PRKAG1: variants seen among roughly 807,000 people sequenced by gnomAD.
The protein encoded by PRKAG1 is protein kinase AMP-activated non-catalytic subunit gamma 1, also known as 5'-AMP-activated protein kinase subunit gamma-1.
Under a neutral mutation model 48.2 loss-of-function variants are expected in PRKAG1, and 27 were observed. The ratio of observed to expected loss-of-function variants is 0.56; its 90% CI spans 0.41 to 0.77. PRKAG1 has a LOEUF of 0.77. PRKAG1 is among the 30% of genes least tolerant of loss of function. The pLI is 0.00. For missense variants in PRKAG1, 287 were observed against 398.3 expected (o/e 0.72, Z 2.38); for synonymous variants, 130 against 147.7 (o/e 0.88, Z 0.87).
intron 2 of PRKAG1, among the ~76,000 whole-genome samples, chr12:49,006,864 G>A (rs893649248): frequency 6.6e-5 from 10 of 152,116 alleles, no homozygotes; most frequent in African/African-American, 2.2e-4. Flanking sequence ...AGCTACTCGG[G>A]AGGCTGAGGC....
chr12:49,018,409 T>G, intron 1 of PRKAG1: 2 of 1,229,780 alleles, frequency 1.6e-6, no homozygotes, highest in Non-Finnish European at 2.1e-6. Flanking sequence ...CTCTCAAACC[T>G]CTAAAAGGGC....
Position 49,003,480 on chromosome 12 carries a change from T to C in PRKAG1, c.741+78A>G, listed in dbSNP as rs1941379661. 2.6e-6 allele frequency: 4 copies of C among 1,565,214 alleles called. No individual in the cohort carries two copies. In the East Asian group the frequency reaches 6.7e-5, roughly 26 times the overall value. ...AAGACCCTTAGATCACAGAAGAGAC[T>C]CCCTTCTCCCTCTCCATATTTAACA... On this transcript the variant is annotated intron_variant, in intron 10 of 11. Transcript: ENST00000548065.
Position 49,002,995 on chromosome 12 carries a change from A to G in PRKAG1, c.900T>C (p.Leu300=). 3 of 1,614,128 alleles carry G rather than the reference A, an allele frequency of 1.9e-6. No individual in the cohort carries two copies. The highest frequency in any genetic ancestry group is 2.5e-6 in the Non-Finnish European group (3 of 1,179,998). Residue 300 remains leucine, a synonymous_variant, in exon 12 of 12, where the codon CTT becomes CTC. Transcript: ENST00000548065. ...CCACATCATTTTCATCCACCACTAC[A>G]AGTCGGTGAACCTGGCACAGAGCAA... ...NRLVEAEVHR[L]VVVDENDVVK...
At chr12:49,003,508 GCCCC>G in intron 10 of PRKAG1, 46 bp downstream of exon 10, 2 of 1,371,304 alleles carry the variant, frequency 1.5e-6, no homozygotes, top group Non-Finnish European at 2.0e-6. Context: ...ATTTAACAGT[GCCCC>G]CCCCCCACCA....
At chr12:49,014,417 C>A (rs1421973265) in intron 1 of PRKAG1, among the ~76,000 whole-genome samples, 3 of 152,212 alleles carry the variant, frequency 2.0e-5, no homozygotes, top group Admixed American at 6.5e-5. Flanking sequence ...TTAGGGCTAA[C>A]CCCTACAAGA....
Position 49,005,510 on chromosome 12 carries a change from CGTTA to C in PRKAG1, c.198_201del (p.Asn67ValfsTer19), listed in dbSNP as rs770627547. On this transcript the variant is annotated frameshift_variant, in exon 4 of 12. Coordinates refer to ENST00000548065, the MANE Select transcript of PRKAG1 (RefSeq NM_002733.5). LOFTEE classifies it high-confidence loss of function. This position sits in a 1 kb window ranked among gnomAD's most constrained non-coding sequence, Gnocchi z 4.1. ...TCCCATAAAGGGGCAGCTCGTACAC[CGTTA>C]GTCACCAAAGCAAAAAAAGCTTTCT... 1 of 1,614,116 alleles carries C rather than the reference CGTTA, an allele frequency of 6.2e-7. No homozygotes were observed. The highest frequency in any genetic ancestry group is 2.2e-5 in the East Asian group (1 of 44,884).
intron 11 of PRKAG1, 63 bp downstream of exon 11, chr12:49,003,081 C>G (rs935636602): frequency 1.2e-6 from 2 of 1,613,268 alleles, no homozygotes; most frequent in Non-Finnish European, 1.7e-6. Flanking sequence ...CCCTACTCTC[C>G]TTGCCAAACC....
chr12:49,010,290 G>T (rs1483932663), intron 2 of PRKAG1, among the ~76,000 whole-genome samples: 2 of 152,182 alleles, frequency 1.3e-5, no homozygotes, highest in Admixed American at 6.5e-5. Flanking sequence ...GTGTGTAAGT[G>T]AGCCTTGCTG....
At chr12:49,011,252 T>A (rs181104593) in intron 2 of PRKAG1, among the ~76,000 whole-genome samples, 185 of 152,320 alleles carry the variant, frequency 1.2e-3, no homozygotes, top group Non-Finnish European at 2.0e-3. Context: ...ATACATACAC[T>A]ACATTGATAG....
chr12:49,013,847 G>A (rs1420981949), intron 1 of PRKAG1, among the ~76,000 whole-genome samples: 1 of 152,134 alleles, frequency 6.6e-6, no homozygotes, highest in East Asian at 1.9e-4. Context: ...GAAGAGTTTG[G>A]TTGGGTTTAT....
chr12:49,008,466 TCATCCTGGGATCTTTCTTCATCAC>T (rs1864013908), intron 2 of PRKAG1: 1 of 152,230 alleles, frequency 6.6e-6, no homozygotes, highest in Non-Finnish European at 1.5e-5. Flanking sequence ...TGCACTGCTG[TCATCCTGGGATCTTTCTTCATCAC>T]CATCCTGGGT....
chr12:49,018,085 T>G (rs1490334845), intron 1 of PRKAG1: 1 of 152,166 alleles, frequency 6.6e-6, no homozygotes, highest in Admixed American at 6.5e-5. Context: ...CCACAATTGG[T>G]CAATGCCTGC....
intron 1 of PRKAG1, among the ~76,000 whole-genome samples, chr12:49,013,908 A>G (rs1006878357): frequency 1.3e-5 from 2 of 151,880 alleles, no homozygotes; most frequent in Non-Finnish European, 2.9e-5. Flanking sequence ...GTTTTGAGGC[A>G]GAGTCTTGCT....
intron 1 of PRKAG1, among the ~76,000 whole-genome samples, chr12:49,015,997 G>C (rs1941955395): frequency 6.6e-6 from 1 of 151,062 alleles, no homozygotes; most frequent in Non-Finnish European, 1.5e-5. Context: ...TCAGGCTGGA[G>C]TGCAGCGGCA....
intron 2 of PRKAG1, 76 bp downstream of exon 2, chr12:49,012,986 C>T: frequency 7.0e-7 from 1 of 1,425,970 alleles, no homozygotes; most frequent in Non-Finnish European, 9.9e-7. Flanking sequence ...GGGAGAGATT[C>T]AAAAGCATTG....
intron 2 of PRKAG1, among the ~76,000 whole-genome samples, chr12:49,012,014 C>T (rs1020499996): frequency 6.6e-6 from 1 of 152,088 alleles, no homozygotes; most frequent in Non-Finnish European, 1.5e-5. Context: ...TGCAGCTCCA[C>T]GCCCAGCTAA....
At chr12:49,010,373 G>C (rs983441285) in intron 2 of PRKAG1, among the ~76,000 whole-genome samples, 1 of 152,160 alleles carries the variant, frequency 6.6e-6, no homozygotes, top group Non-Finnish European at 1.5e-5. Context: ...GGATTCTGGA[G>C]AGAAGGATTA....
At chr12:49,006,281 G>A (rs1379817918) in intron 2 of PRKAG1, among the ~76,000 whole-genome samples, 3 of 152,064 alleles carry the variant, frequency 2.0e-5, no homozygotes, top group Non-Finnish European at 4.4e-5. Context: ...GCAAGCACCT[G>A]TAATCCCAGC....
intron 1 of PRKAG1, among the ~76,000 whole-genome samples, chr12:49,015,499 G>C (rs1186057798): frequency 6.6e-6 from 1 of 152,172 alleles, no homozygotes; most frequent in Non-Finnish European, 1.5e-5. Flanking sequence ...AAGTTACAGA[G>C]GGAGGAAAGA....
Sources: allele counts gnomAD v4.1 joint callset (sites outside exome capture counted in the v4.1 genomes callset), GRCh38; gene constraint gnomAD v4.1.1; non-coding constraint Gnocchi (gnomAD v3.1); transcripts MANE v1.5; gene names NCBI Gene and HGNC (gene_info 2026-07-23, HGNC 2026-07-21).